GNAO1: variants seen among roughly 807,000 people sequenced by gnomAD.
The protein encoded by GNAO1 is G protein subunit alpha o1, also known as guanine nucleotide-binding protein G(o) subunit alpha.
For missense variants in GNAO1, 166 were observed against 478.7 expected, an observed-to-expected ratio of 0.35 and a Z score of 6.10; for synonymous variants, 164 against 180.7, an observed-to-expected ratio of 0.91 and a Z score of 0.74.
At chr16:56,200,511 G>T (rs564331115) in intron 2 of GNAO1, among the ~76,000 whole-genome samples, 1 of 152,326 alleles carries the variant, frequency 6.6e-6, no homozygotes, top group Admixed American at 6.5e-5. Context: ...TACAGATGAG[G>T]AAGTGAGGTT....
intron 3 of GNAO1, among the ~76,000 whole-genome samples, chr16:56,324,747 T>C (rs1434841310): frequency 6.6e-6 from 1 of 152,216 alleles, no homozygotes; most frequent in African/African-American, 2.4e-5. Flanking sequence ...CCCCACGGGC[T>C]GGGTTGTTGG....
chr16:56,285,251 G>A (rs757708749), intron 3 of GNAO1, among the ~76,000 whole-genome samples: 6 of 145,064 alleles, frequency 4.1e-5, no homozygotes, highest in Non-Finnish European at 6.0e-5. Context: ...CTCCAACCCC[G>A]CCCCCCACCG....
At chr16:56,347,927 T>G in intron 6 of GNAO1, 2 of 749,176 alleles carry the variant, frequency 2.7e-6, no homozygotes, top group Non-Finnish European at 3.1e-6. Flanking sequence ...ACCCTGCCCC[T>G]GCTGAGTATC....
intron 3 of GNAO1, among the ~76,000 whole-genome samples, chr16:56,296,169 A>G (rs551218236): frequency 6.6e-6 from 1 of 152,294 alleles, no homozygotes; most frequent in South Asian, 2.1e-4. Flanking sequence ...CCAAAACCGA[A>G]TGGGCTTGTG....
At chr16:56,228,389 G>A (rs963886221) in intron 2 of GNAO1, among the ~76,000 whole-genome samples, 2 of 151,884 alleles carry the variant, frequency 1.3e-5, no homozygotes, top group African/African-American at 4.8e-5. Flanking sequence ...ACGTGAGTGT[G>A]TGTGTGTATA....
At chr16:56,228,406 A>AGTGTGT (rs1156230048) in intron 2 of GNAO1, among the ~76,000 whole-genome samples, 2 of 150,912 alleles carry the variant, frequency 1.3e-5, no homozygotes, top group Admixed American at 6.6e-5. Flanking sequence ...TATATATGTG[A>AGTGTGT]GTGTGTGTGT....
intron 6 of GNAO1, among the ~76,000 whole-genome samples, chr16:56,342,397 G>A (rs1402016301): frequency 3.9e-5 from 6 of 152,162 alleles, no homozygotes; most frequent in Non-Finnish European, 8.8e-5. Context: ...TCCCCTCCCT[G>A]CTGCCCCCTC....
intron 1 of GNAO1, 38 bp downstream of exon 1, chr16:56,192,391 G>A (rs751695021): frequency 1.0e-5 from 7 of 671,962 alleles, no homozygotes; most frequent in Non-Finnish European, 2.0e-6. Flanking sequence ...CCCCGACCCC[G>A]GCCACTCCGC....
intron 6 of GNAO1, among the ~76,000 whole-genome samples, chr16:56,342,960 A>G (rs1410686118): frequency 6.6e-6 from 1 of 152,058 alleles, no homozygotes; most frequent in Non-Finnish European, 1.5e-5. Flanking sequence ...TAAAAATGCA[A>G]AAATTAGTGG....
intron 3 of GNAO1, among the ~76,000 whole-genome samples, chr16:56,316,600 T>A (rs1247502586): frequency 2.0e-5 from 3 of 152,008 alleles, no homozygotes; most frequent in Non-Finnish European, 2.9e-5. Flanking sequence ...TTTAATTCCC[T>A]CCTCACCTCC....
intron 4 of GNAO1, among the ~76,000 whole-genome samples, chr16:56,331,443 C>T (rs17282194): frequency 0.31 from 46,660 of 152,034 alleles, 7,688 homozygotes; most frequent in South Asian, 0.41. Flanking sequence ...CCACTCCTAT[C>T]GAGCTCTTGC....
intron 2 of GNAO1, among the ~76,000 whole-genome samples, chr16:56,258,949 G>A (rs1304112288): frequency 6.6e-6 from 1 of 152,230 alleles, no homozygotes; most frequent in South Asian, 2.1e-4. Context: ...CCCAGTCAAG[G>A]CCACTCCTGT....
chr16:56,198,401 C>T (rs1380607480), intron 2 of GNAO1, among the ~76,000 whole-genome samples: 1 of 152,186 alleles, frequency 6.6e-6, no homozygotes, highest in Non-Finnish European at 1.5e-5. Context: ...GAGGAGAGAG[C>T]AGTGGCTTGT....
At chr16:56,244,224 C>T (rs918276853) in intron 2 of GNAO1, among the ~76,000 whole-genome samples, 4 of 152,136 alleles carry the variant, frequency 2.6e-5, no homozygotes, top group Non-Finnish European at 2.9e-5. Context: ...CCTACTAATT[C>T]GCTCTGAGAC....
chr16:56,215,662 G>A (rs1393707395), intron 2 of GNAO1, among the ~76,000 whole-genome samples: 1 of 152,168 alleles, frequency 6.6e-6, no homozygotes, highest in Non-Finnish European at 1.5e-5. Flanking sequence ...TGGATTCTTG[G>A]GGCACAGTGA....
chr16:56,276,237 C>T (rs2037060622), intron 3 of GNAO1, 165 bp downstream of exon 3: 1 of 532,918 alleles, frequency 1.9e-6, no homozygotes. Flanking sequence ...TGCATCCACC[C>T]CTCTGGCAAA....
chr16:56,278,641 A>G (rs1297108068), intron 3 of GNAO1, among the ~76,000 whole-genome samples: 1 of 152,184 alleles, frequency 6.6e-6, no homozygotes, highest in Non-Finnish European at 1.5e-5. Context: ...TACAGGCAGC[A>G]AACAAGCCCA....
At chr16:56,315,695 T>A (rs1429727827) in intron 3 of GNAO1, among the ~76,000 whole-genome samples, 1 of 152,030 alleles carries the variant, frequency 6.6e-6, no homozygotes, top group Admixed American at 6.5e-5. Context: ...GAAGCCTTGC[T>A]GACATAAAAA....
At chr16:56,295,180 G>C (rs1327436241) in intron 3 of GNAO1, among the ~76,000 whole-genome samples, 1 of 152,178 alleles carries the variant, frequency 6.6e-6, no homozygotes, top group African/African-American at 2.4e-5. Flanking sequence ...CCCTTTGCTA[G>C]TTATTTCTAT....
Sources: gnomAD v4.1 joint callset for allele counts (sites outside exome capture counted in the v4.1 genomes callset) on GRCh38, gnomAD v4.1.1 for gene constraint, MANE v1.5 for transcripts, NCBI Gene and HGNC (gene_info 2026-07-23, HGNC 2026-07-21) for gene names.